The following OXSR1 variants were observed in gnomAD, a reference collection of about 807,000 sequenced individuals.
The protein encoded by OXSR1 is serine/threonine-protein kinase OSR1.
A neutral mutation model predicts 79.8 loss-of-function variants in OXSR1; 24 were observed. That is an observed-to-expected ratio of 0.30 (90% CI 0.22 to 0.42). OXSR1 has a LOEUF of 0.42. Among genes scored for constraint, OXSR1 ranks in the 10% least tolerant of loss-of-function variants. The pLI is 1.00. For synonymous variants in OXSR1, 226 were observed against 209.2 expected (o/e 1.08, Z -0.69); for missense variants, 430 against 618.4 (o/e 0.70, Z 3.23).
At chr3:38,211,208 G>A (rs1003395643) in intron 4 of OXSR1, among the ~76,000 whole-genome samples, 1 of 152,148 alleles carries the variant, frequency 6.6e-6, no homozygotes, top group Non-Finnish European at 1.5e-5. Context: ...TGGGCATTCT[G>A]TCTGGTCCTT....
rs1232587025 is a variant in OXSR1, at chr3:38,254,006, A to G, written c.*1115A>G. 3 of 393,068 alleles carry G rather than the reference A, an allele frequency of 7.6e-6. No individual in the cohort carries two copies. The highest frequency in any genetic ancestry group is 1.3e-5 in the Non-Finnish European group (3 of 222,920). The allele number at this position is 393,068 out of a possible 1,614,324, so 24.3% of individuals were successfully genotyped here. ...TCATTTGATTTTCTACAGAAATAAT[A>G]TAAATTATTCTTTAGGTTTAAAAAA... On this transcript the variant is annotated 3_prime_UTR_variant, in exon 18 of 18. Coordinates refer to ENST00000311806, the MANE Select transcript of OXSR1 (RefSeq NM_005109.3).
chr3:38,174,688 T>C (rs1701646509), intron 1 of OXSR1, among the ~76,000 whole-genome samples: 1 of 152,120 alleles, frequency 6.6e-6, no homozygotes, highest in Non-Finnish European at 1.5e-5. Context: ...GTGGAGATGG[T>C]GAGAAGTGGT....
chr3:38,195,533 G>A (rs1702059061), intron 3 of OXSR1, among the ~76,000 whole-genome samples: 1 of 152,190 alleles, frequency 6.6e-6, no homozygotes, highest in African/African-American at 2.4e-5. Context: ...GAAGACATAA[G>A]CAATAACTGT....
At chr3:38,236,234 A>T (rs976999859) in intron 10 of OXSR1, among the ~76,000 whole-genome samples, 2 of 20,002 alleles carry the variant, frequency 1.0e-4, no homozygotes, top group African/African-American at 2.1e-4. Context: ...ACAGAGTTAA[A>T]TTTTCATCTT....
chr3:38,166,594 C>G (rs142994723), intron 1 of OXSR1, among the ~76,000 whole-genome samples: 12,612 of 152,034 alleles, frequency 0.083, 691 homozygotes, highest in African/African-American at 0.15. Context: ...GGTTCGAGAC[C>G]AGCCTGGCCA....
At chr3:38,203,742 C>T (rs1174426261) in intron 4 of OXSR1, among the ~76,000 whole-genome samples, 1 of 152,168 alleles carries the variant, frequency 6.6e-6, no homozygotes, top group African/African-American at 2.4e-5. Flanking sequence ...ATGACACAAG[C>T]ACCCCTGTGG....
chr3:38,190,949 A>T (rs978889933), intron 3 of OXSR1, 110 bp downstream of exon 3: 70 of 678,446 alleles, frequency 1.0e-4, no homozygotes, highest in South Asian at 6.9e-5. Flanking sequence ...ATTTGAGGAG[A>T]TACTGAAAAT....
intron 1 of OXSR1, among the ~76,000 whole-genome samples, chr3:38,174,944 G>A (rs1443832230): frequency 6.6e-6 from 1 of 152,128 alleles, no homozygotes; most frequent in East Asian, 1.9e-4. Flanking sequence ...TTTCATCTTT[G>A]TATGGAGAGA....
rs370480111 is a variant in OXSR1, at chr3:38,252,398, C to T, written c.1509+6C>T. 15 of 1,600,078 alleles carry T rather than the reference C, an allele frequency of 9.4e-6. No homozygotes were observed. In the African/African-American group the frequency reaches 1.9e-4, roughly 20 times the overall value. The stretch of plus-strand genomic sequence containing the variant: ...GATCTGTCACTTTCAAACTGGTACT[C>T]ATCCCTTCTTCCTTGTGAAAACATC... On this transcript the variant is annotated splice_donor_region_variant and intron_variant, in intron 17 of 17. Transcript: ENST00000311806.
In OXSR1 at chr3:38,221,486, A is replaced by G. The variant is rs1349183809; in HGVS notation, c.491-92A>G. On this transcript the variant is annotated intron_variant, in intron 5 of 17. Transcript: ENST00000311806. ...TAAGAAACTATCATGCTTTTTATTTATATATAGGATGTTCACTACATTGTA... is the reference window on the plus strand; with the variant it reads ...TAAGAAACTATCATGCTTTTTATTTGTATATAGGATGTTCACTACATTGTA... 7.4e-6 allele frequency: 5 copies of G among 675,550 alleles called. No homozygotes were observed. The Admixed American group carries it at 7.5e-5, about 10-fold the overall frequency. 41.8% of individuals were successfully genotyped at this position (675,550 alleles called of 1,614,324 possible). A position where few individuals can be genotyped will look rare whatever the true frequency, so the allele number is the denominator to read the frequency against.
At position 38,230,390 on chromosome 3, in the gene OXSR1, C is replaced by T. The variant is rs6599079; in HGVS notation, c.911C>T (p.Thr304Ile). The change falls in exon 10 of 18, where the codon ACA becomes ATA. Residue 304 changes from threonine to isoleucine, a missense_variant. By Grantham distance (89) the Thr-to-Ile change is moderately conservative. This residue lies in a region of OXSR1 where 276 missense variants were observed against 354.2 expected (regional missense o/e 0.78). Transcript: ENST00000311806. The part of the protein sequence containing the change: ...AKNKEFLQEK[T>I]LQRAPTISER... ...AATAAAGAATTTCTTCAAGAAAAAACATTGCAGAGAGCACCAACCATTTCT... is the reference window on the plus strand; with the variant it reads ...AATAAAGAATTTCTTCAAGAAAAAATATTGCAGAGAGCACCAACCATTTCT... 0.11 allele frequency: 182,585 copies of T among 1,591,612 alleles called. 14,406 individuals are homozygous for T. The highest frequency in any genetic ancestry group is 0.4 in the African/African-American group (29,673 of 73,518).
chr3:38,254,660 AAG>A lies in OXSR1; in HGVS notation c.*1773_*1774del, dbSNP rs1703325832. The A allele has an allele frequency of 1.2e-5, 2 of 162,060 alleles. No homozygotes were observed. Among genetic ancestry groups the A allele is most frequent in the Non-Finnish European group, 2.7e-5 (2 of 74,904 alleles). The allele number at this position is 162,060 out of a possible 1,614,324, so 10.0% of individuals were successfully genotyped here. Reference sequence around the variant, plus strand: ...GGGGAGGTAGGAATGAGGTATAGAAAAGAGATAGCATCTTCTTTGGCACAAGA... The same window carrying A: ...GGGGAGGTAGGAATGAGGTATAGAAAAGATAGCATCTTCTTTGGCACAAGA... On this transcript the variant is annotated 3_prime_UTR_variant, in exon 18 of 18. Coordinates refer to ENST00000311806, the MANE Select transcript of OXSR1 (RefSeq NM_005109.3).
At chr3:38,211,175 C>T (rs1285744150) in intron 4 of OXSR1, among the ~76,000 whole-genome samples, 1 of 152,156 alleles carries the variant, frequency 6.6e-6, no homozygotes, top group African/African-American at 2.4e-5. Flanking sequence ...GCTCGTTGGG[C>T]ATTAGACAGT....
chr3:38,166,105 G>A (rs1701447697), intron 1 of OXSR1, among the ~76,000 whole-genome samples, 159 bp downstream of exon 1: 1 of 151,742 alleles, frequency 6.6e-6, no homozygotes, highest in South Asian at 2.1e-4. Context: ...CGAGGAGCGC[G>A]TGTGAGACGG....
At chr3:38,170,366 G>A (rs1701555129) in intron 1 of OXSR1, among the ~76,000 whole-genome samples, 1 of 152,064 alleles carries the variant, frequency 6.6e-6, no homozygotes. Context: ...TCTTAATGGA[G>A]TCTTTTAAAG....
intron 14 of OXSR1, among the ~76,000 whole-genome samples, chr3:38,248,339 C>A: frequency 7.7e-6 from 1 of 129,408 alleles, no homozygotes; most frequent in Non-Finnish European, 1.7e-5. Context: ...CCCTGCCCCG[C>A]CCCCCCCGCC....
intron 3 of OXSR1, among the ~76,000 whole-genome samples, chr3:38,192,906 C>G (rs1054814046): frequency 6.6e-6 from 1 of 152,172 alleles, no homozygotes; most frequent in African/African-American, 2.4e-5. Context: ...TGTAGAGTTA[C>G]AGAAAAGATA....
At chr3:38,238,375 T>C (rs911964207) in intron 11 of OXSR1, among the ~76,000 whole-genome samples, 1 of 152,108 alleles carries the variant, frequency 6.6e-6, no homozygotes, top group African/African-American at 2.4e-5. Flanking sequence ...AAAAATCTTA[T>C]TTTTATTTTC....
intron 4 of OXSR1, among the ~76,000 whole-genome samples, chr3:38,202,872 G>A (rs1307848978): frequency 6.6e-6 from 1 of 152,208 alleles, no homozygotes; most frequent in Non-Finnish European, 1.5e-5. Flanking sequence ...AAGCGGTAAT[G>A]TCAGTGTCTG....
Sources: allele counts gnomAD v4.1 joint callset (sites outside exome capture counted in the v4.1 genomes callset), GRCh38; gene constraint gnomAD v4.1.1; regional missense constraint gnomAD v4.1.1; transcripts MANE v1.5; gene names NCBI Gene and HGNC (gene_info 2026-07-23, HGNC 2026-07-21).